ENPP1: variants seen among roughly 807,000 people sequenced by gnomAD.
ENPP1 encodes the protein ectonucleotide pyrophosphatase/phosphodiesterase family member 1.
A neutral mutation model predicts 122.8 loss-of-function variants in ENPP1; 73 were observed. The ratio of observed to expected loss-of-function variants is 0.59; its 90% CI spans 0.49 to 0.72. The LOEUF (loss-of-function observed/expected upper bound fraction) is 0.72, where lower values mean the gene tolerates loss of function less well. ENPP1 is among the 30% of genes least tolerant of loss of function. The probability of loss-of-function intolerance (pLI) is 0.00; values close to 1 mark genes in which losing one functional copy is unlikely to be tolerated. For missense variants in ENPP1, 978 were observed against 1,128.1 expected, an observed-to-expected ratio of 0.87 and a Z score of 1.91; for synonymous variants, 367 against 391.6, an observed-to-expected ratio of 0.94 and a Z score of 0.74.
intron 1 of ENPP1, chr6:131,826,947 G>A (rs898184513): frequency 2.7e-5 from 11 of 409,414 alleles, no homozygotes; most frequent in South Asian, 1.8e-4. Flanking sequence ...GATGCTTCAG[G>A]CAGAGGATTT....
At chr6:131,867,763 A>G (rs1020899714) in intron 11 of ENPP1, among the ~76,000 whole-genome samples, 3 of 152,202 alleles carry the variant, frequency 2.0e-5, no homozygotes, top group Non-Finnish European at 4.4e-5. Context: ...TTGAACGTGT[A>G]TAGAATTAGG....
intron 6 of ENPP1, 30 bp downstream of exon 6, chr6:131,855,053 T>TGGTG: frequency 7.1e-7 from 1 of 1,408,854 alleles, no homozygotes; most frequent in Non-Finnish European, 1.0e-6. Context: ...ACTGCTGGAA[T>TGGTG]ATCACCATTT....
intron 2 of ENPP1, among the ~76,000 whole-genome samples, chr6:131,848,761 T>G (rs538183186): frequency 1.3e-5 from 2 of 152,150 alleles, no homozygotes; most frequent in Non-Finnish European, 2.9e-5. Context: ...ATGCATCATA[T>G]TTTTAAAAAT....
chr6:131,844,204 G>A (rs115701672), intron 1 of ENPP1, among the ~76,000 whole-genome samples: 2,250 of 152,268 alleles, frequency 0.015, 69 homozygotes, highest in African/African-American at 0.052. Flanking sequence ...AGTACAGTTA[G>A]TACTAGCTTT....
intron 13 of ENPP1, among the ~76,000 whole-genome samples, chr6:131,871,115 G>T (rs367938548): frequency 2.0e-5 from 3 of 152,086 alleles, no homozygotes; most frequent in African/African-American, 7.2e-5. Context: ...CTCCAGAGAT[G>T]TTTGGGATGG....
intron 1 of ENPP1, chr6:131,827,899 ACT>A: frequency 7.4e-7 from 1 of 1,345,920 alleles, no homozygotes; most frequent in Non-Finnish European, 1.1e-6. Context: ...CTGCTCGGCC[ACT>A]GTTTCTGACA....
Position 131,890,516 on chromosome 6 carries a change from T to A in ENPP1, c.*5T>A. 1.2e-6 allele frequency: 2 copies of A among 1,609,834 alleles called. No individual in the cohort carries two copies. Among genetic ancestry groups the A allele is most frequent in the Non-Finnish European group, 1.7e-6 (2 of 1,176,048 alleles). On this transcript the variant is annotated 3_prime_UTR_variant, in exon 25 of 25. Transcript: ENST00000647893. ...ACCTTTAGCCAAGAAGACTGATATG[T>A]TTTTTATCCCCAAACACCATGAATC...
chr6:131,820,870 A>G (rs1176305966), intron 1 of ENPP1, among the ~76,000 whole-genome samples: 1 of 152,222 alleles, frequency 6.6e-6, no homozygotes, highest in East Asian at 1.9e-4. Context: ...GTTTGAATAC[A>G]GACAAAAAAG....
rs551747250 is a variant in ENPP1 at position 131,845,221 on chromosome 6, C to T, written c.241-2555C>T. On this transcript the variant is annotated intron_variant, in intron 1 of 24. Coordinates refer to ENST00000647893, the MANE Select transcript of ENPP1 (RefSeq NM_006208.3). Reference sequence around the variant, plus strand: ...CTAATTTTTGTATTTTTGGTAGAGACGGGGTTTCACCATCTTGGCCAGGCT... The same window carrying T: ...CTAATTTTTGTATTTTTGGTAGAGATGGGGTTTCACCATCTTGGCCAGGCT... Among the ~76,000 whole-genome samples, 40 of 151,098 alleles carry T rather than the reference C, an allele frequency of 2.6e-4. No homozygotes were observed. The East Asian group carries it at 5.1e-3, about 19-fold the overall frequency.
At chr6:131,825,114 A>AT (rs2114664154) in intron 1 of ENPP1, among the ~76,000 whole-genome samples, 2 of 151,966 alleles carry the variant, frequency 1.3e-5, no homozygotes, top group African/African-American at 4.8e-5. Flanking sequence ...TCACTGAAAT[A>AT]TTTTTCTGTT....
At chr6:131,845,451 G>GTT (rs34638422) in intron 1 of ENPP1, among the ~76,000 whole-genome samples, 6,157 of 132,844 alleles carry the variant, frequency 0.046, 255 homozygotes, top group African/African-American at 0.11. Flanking sequence ...GTTTTGGCTT[G>GTT]TTTTTTTTTT....
At chr6:131,880,783 A>G (rs897558670) in intron 20 of ENPP1, among the ~76,000 whole-genome samples, 4 of 152,154 alleles carry the variant, frequency 2.6e-5, no homozygotes, top group Non-Finnish European at 5.9e-5. Flanking sequence ...ATTAAAGCTC[A>G]GTAACATCAT....
chr6:131,832,442 C>T (rs550579611), intron 1 of ENPP1, among the ~76,000 whole-genome samples: 12 of 152,296 alleles, frequency 7.9e-5, no homozygotes, highest in Admixed American at 5.9e-4. Flanking sequence ...GCCAGATGTG[C>T]ACTTTACCTT....
chr6:131,889,324 G>A (rs11963205), intron 24 of ENPP1, among the ~76,000 whole-genome samples: 17,668 of 151,902 alleles, frequency 0.12, 1,941 homozygotes, highest in African/African-American at 0.29. Flanking sequence ...AGATCATCCC[G>A]TCACCCAGGT....
Position 131,827,045 on chromosome 6 carries a change from G to A in ENPP1, c.240+18770G>A, listed in dbSNP as rs745342820. On this transcript the variant is annotated intron_variant, in intron 1 of 24. Coordinates refer to ENST00000647893, the MANE Select transcript of ENPP1 (RefSeq NM_006208.3). ...CTTTGAGGTTGACCAGCTGTGAGAC[G>A]GCAGACGGCAGCTTCACCTCCAGGG... The A allele has an allele frequency of 2.8e-5, 16 of 569,196 alleles. 1 individual carries two copies. The highest frequency in any genetic ancestry group is 2.5e-4 in the South Asian group (15 of 59,004). The allele number at this position is 569,196 out of a possible 1,614,324, so 35.3% of individuals were successfully genotyped here.
chr6:131,838,982 C>CT (rs1364980702), intron 1 of ENPP1, among the ~76,000 whole-genome samples: 4 of 152,148 alleles, frequency 2.6e-5, no homozygotes, highest in African/African-American at 9.7e-5. Context: ...TAATAAACTT[C>CT]TTACACAGAT....
rs1343904478 is a variant in ENPP1, at chr6:131,845,057, T to G, written c.241-2719T>G. 2.3e-5 allele frequency among the ~76,000 whole-genome samples: 3 copies of G among 131,208 alleles called. No homozygotes were observed. In the South Asian group the frequency reaches 7.6e-4, roughly 33 times the overall value. 86.1% of individuals were successfully genotyped at this position (131,208 alleles called of 152,430 possible). ...AATTCTTCATGGTTTTTTTTTTTTTTTTTTTTTTTTTTTTTCCTTGAGACA... is the reference window on the plus strand; with the variant it reads ...AATTCTTCATGGTTTTTTTTTTTTTGTTTTTTTTTTTTTTTCCTTGAGACA... On this transcript the variant is annotated intron_variant, in intron 1 of 24. Transcript: ENST00000647893.
At chr6:131,850,216 G>C (rs1333992408) in intron 3 of ENPP1, 110 bp downstream of exon 3, 1 of 826,828 alleles carries the variant, frequency 1.2e-6, no homozygotes, top group East Asian at 2.5e-5. Context: ...ATTTTTTTTA[G>C]TTTAGCATAC....
At chr6:131,810,065 T>C (rs945986236) in intron 1 of ENPP1, among the ~76,000 whole-genome samples, 1 of 152,216 alleles carries the variant, frequency 6.6e-6, no homozygotes, top group Non-Finnish European at 1.5e-5. Flanking sequence ...AACATACAAA[T>C]GTTACCAAAT....
Sources: gnomAD v4.1 joint callset for allele counts (sites outside exome capture counted in the v4.1 genomes callset) on GRCh38, gnomAD v4.1.1 for gene constraint, MANE v1.5 for transcripts, NCBI Gene and HGNC (gene_info 2026-07-23, HGNC 2026-07-21) for gene names.